The following SI variants were observed in gnomAD, a reference collection of about 807,000 sequenced individuals.
SI encodes sucrase-isomaltase, intestinal.
In SI, 235 loss-of-function variants were observed where a neutral mutation model predicts 253.3. The observed-to-expected ratio is 0.93, with a 90% CI of 0.83 to 1.03. SI has a LOEUF of 1.03. Ranked by LOEUF, SI falls within the 50% of genes least tolerant of loss-of-function variation. The probability of loss-of-function intolerance (pLI) is 0.00; values close to 1 mark genes in which losing one functional copy is unlikely to be tolerated. For missense variants in SI, 2,442 were observed against 2,211.1 expected (o/e 1.10, Z -2.09); for synonymous variants, 819 against 712.0 (o/e 1.15, Z -2.39).
At chr3:165,038,141 A>C in intron 20 of SI, 117 bp from the exon 21 acceptor site, 1 of 908,634 alleles carries the variant, frequency 1.1e-6, no homozygotes, top group Non-Finnish European at 1.7e-6. Flanking sequence ...ATGAATACGA[A>C]TATATTGTTT....
At chr3:164,992,134 CG>C in intron 43 of SI, 42 bp downstream of exon 43, 1 of 1,487,684 alleles carries the variant, frequency 6.7e-7, no homozygotes, top group Non-Finnish European at 9.4e-7. Context: ...AACAATTACC[CG>C]TTTCTGTTTA....
rs531634995 is a variant in SI, at chr3:165,030,825, A to G, written c.2779T>C (p.Phe927Leu). The G allele has an allele frequency of 6.3e-7, 1 of 1,590,758 alleles. No homozygotes were observed. The highest frequency in any genetic ancestry group is 1.1e-5 in the South Asian group (1 of 89,210). Reference protein sequence around the residue: ...ADLKLNLGRNFSVQWNQIFSE... With the variant: ...ADLKLNLGRNLSVQWNQIFSE... ...AAAATTTGATTCCATTGAACACTAA[A>G]GTTTCTTCCAAGATTAAGTTTGAGA... is the stretch of plus-strand genomic sequence containing the variant. Residue 927 changes from phenylalanine (F) to leucine (L), a missense_variant, in exon 25 of 48, where the codon TTT becomes CTT. Transcript: ENST00000264382.
Position 165,049,147 on chromosome 3 carries a change from G to A in SI, c.1695C>T (p.Ser565=), listed in dbSNP as rs890268768. Residue 565 remains serine, a synonymous_variant, in exon 15 of 48, where the codon AGC becomes AGT. Coordinates refer to ENST00000264382, the MANE Select transcript of SI (RefSeq NM_001041.4). ...CTTACTGCTCTGTGGCTATAGCCATGCTGTATCCATAGAGGCTATGAACAT... is the reference window on the plus strand; with the variant it reads ...CTTACTGCTCTGTGGCTATAGCCATACTGTATCCATAGAGGCTATGAACAT... ...QYDVHSLYGY[S]MAIATEQAVQ... 1.3e-6 allele frequency: 2 copies of A among 1,588,856 alleles called. No homozygotes were observed. Among genetic ancestry groups the A allele is most frequent in the Non-Finnish European group, 1.7e-6 (2 of 1,157,128 alleles).
intron 21 of SI, among the ~76,000 whole-genome samples, chr3:165,037,673 G>T (rs1712598584): frequency 6.6e-6 from 1 of 151,564 alleles, no homozygotes; most frequent in South Asian, 2.1e-4. Flanking sequence ...TTTGATACAG[G>T]AAGTTAACTT....
rs1559990355 is a variant in SI, at chr3:165,015,977, TCTC to T, written c.3860_3862del (p.Gly1287del). On this transcript the variant is annotated inframe_deletion, in exon 32 of 48. Transcript: ENST00000264382. The stretch of plus-strand genomic sequence containing the variant: ...CAGGATAATAATGTATCTCATTCCT[TCTC>T]CTCTTATTTTGTCAACAAACTGAGG... 7 of 1,610,976 alleles carry T rather than the reference TCTC, an allele frequency of 4.3e-6. No homozygotes were observed. The highest frequency in any genetic ancestry group is 3.3e-4 in the Middle Eastern group (2 of 6,056).
intron 45 of SI, among the ~76,000 whole-genome samples, chr3:164,984,929 C>A (rs572391131): frequency 6.6e-6 from 1 of 152,072 alleles, no homozygotes; most frequent in African/African-American, 2.4e-5. Flanking sequence ...ATATGGTTTT[C>A]GCTGTTAACT....
At chr3:165,025,434 T>C (rs1489544900) in intron 25 of SI, among the ~76,000 whole-genome samples, 2 of 151,194 alleles carry the variant, frequency 1.3e-5, no homozygotes, top group Admixed American at 1.3e-4. Flanking sequence ...TTTGAAGGAA[T>C]AATCAAAGAA....
intron 18 of SI, 68 bp from the exon 19 acceptor site, chr3:165,040,039 T>C (rs1712736836): frequency 7.8e-7 from 1 of 1,277,648 alleles, no homozygotes; most frequent in Non-Finnish European, 1.1e-6. Flanking sequence ...CCTGGTTCAG[T>C]TTATCTTTTC....
intron 12 of SI, among the ~76,000 whole-genome samples, chr3:165,056,902 A>C (rs564834342): frequency 6.6e-6 from 1 of 152,186 alleles, no homozygotes; most frequent in East Asian, 1.9e-4. Context: ...AGACTATTAT[A>C]AATACCTAAC....
At chr3:165,013,131 G>A in intron 33 of SI, 89 bp from the exon 34 acceptor site, 2 of 834,434 alleles carry the variant, frequency 2.4e-6, no homozygotes, top group Non-Finnish European at 4.2e-6. Context: ...GAGTATTAGA[G>A]GCTTATTATT....
At chr3:164,989,562 G>A (rs1559978346) in intron 44 of SI, among the ~76,000 whole-genome samples, 1 of 151,988 alleles carries the variant, frequency 6.6e-6, no homozygotes, top group Non-Finnish European at 1.5e-5. Flanking sequence ...GTAGTTTGAT[G>A]GAGTAGTGAT....
chr3:165,018,409 G>C (rs1559991630), intron 28 of SI, among the ~76,000 whole-genome samples: 1 of 150,708 alleles, frequency 6.6e-6, no homozygotes, highest in African/African-American at 2.4e-5. Flanking sequence ...GAGTAGTTTG[G>C]TTTATTTCCA....
At chr3:165,071,700 T>G (rs1714587217) in intron 3 of SI, among the ~76,000 whole-genome samples, 1 of 152,050 alleles carries the variant, frequency 6.6e-6, no homozygotes, top group African/African-American at 2.4e-5. Context: ...AGGACTGGTG[T>G]CCTTATAAGA....
At chr3:165,005,590 C>T (rs1718466555) in intron 37 of SI, among the ~76,000 whole-genome samples, 2 of 152,076 alleles carry the variant, frequency 1.3e-5, no homozygotes, top group Admixed American at 1.3e-4. Flanking sequence ...ATGGTAGCCA[C>T]TAATTATCTA....
At chr3:165,063,386 A>G in intron 8 of SI, 56 bp downstream of exon 8, 1 of 800,014 alleles carries the variant, frequency 1.2e-6, no homozygotes, top group South Asian at 1.5e-5. Flanking sequence ...TAAAGAGAGC[A>G]GTTAAAACAT....
At chr3:164,983,901 A>T (rs1291156136) in intron 45 of SI, among the ~76,000 whole-genome samples, 5 of 152,092 alleles carry the variant, frequency 3.3e-5, no homozygotes, top group Non-Finnish European at 7.4e-5. Context: ...TTTAAAGTAT[A>T]ATCTTGCCAT....
chr3:165,039,663 A>G (rs539157517), intron 19 of SI, among the ~76,000 whole-genome samples: 61 of 152,134 alleles, frequency 4.0e-4, no homozygotes, highest in Admixed American at 3.9e-3. Flanking sequence ...ATAACTTCAT[A>G]CAATTTTCTT....
intron 25 of SI, among the ~76,000 whole-genome samples, chr3:165,029,570 G>GTA (rs901497767): frequency 3.3e-5 from 3 of 91,660 alleles, no homozygotes; most frequent in Admixed American, 1.5e-4. Flanking sequence ...AAACTGTGGT[G>GTA]TATATATATA....
chr3:165,039,338 T>TA (rs1419677570), intron 19 of SI, among the ~76,000 whole-genome samples: 1 of 151,996 alleles, frequency 6.6e-6, no homozygotes, highest in African/African-American at 2.4e-5. Flanking sequence ...AAGAGGTAAA[T>TA]AAAAAAGTAA....
Sources: allele counts gnomAD v4.1 joint callset (sites outside exome capture counted in the v4.1 genomes callset), GRCh38; gene constraint gnomAD v4.1.1; transcripts MANE v1.5; gene names NCBI Gene and HGNC (gene_info 2026-07-23, HGNC 2026-07-21).